MICAL3: variants seen among roughly 807,000 people sequenced by gnomAD.
The protein encoded by MICAL3 is [F-actin]-monooxygenase MICAL3.
MICAL3 carries 62 observed loss-of-function variants against 207.4 expected under a neutral mutation model. That is an observed-to-expected ratio of 0.30 (90% CI 0.24 to 0.37). The LOEUF (loss-of-function observed/expected upper bound fraction) is 0.37, where lower values mean the gene tolerates loss of function less well. Ranked by LOEUF, MICAL3 falls within the 10% of genes least tolerant of loss-of-function variation. The probability of loss-of-function intolerance (pLI) is 1.00; values close to 1 mark genes in which losing one functional copy is unlikely to be tolerated. For missense variants in MICAL3, 2,368 were observed against 2,635.6 expected (o/e 0.90, Z 2.22); for synonymous variants, 1,077 against 1,069.3 (o/e 1.01, Z -0.14).
intron 17 of MICAL3, among the ~76,000 whole-genome samples, chr22:17,870,374 T>C (rs1244134836): frequency 6.6e-6 from 1 of 152,162 alleles, no homozygotes; most frequent in Non-Finnish European, 1.5e-5. Flanking sequence ...CAACCTAGGC[T>C]GTGTAACCGA....
intron 1 of MICAL3, among the ~76,000 whole-genome samples, chr22:17,935,512 G>C (rs191931008): frequency 3.9e-5 from 6 of 152,306 alleles, no homozygotes; most frequent in African/African-American, 1.2e-4. Context: ...TCAGGACACA[G>C]GCATGGGCAA....
intron 1 of MICAL3, among the ~76,000 whole-genome samples, chr22:17,970,263 C>T (rs753010561): frequency 4.6e-5 from 7 of 152,238 alleles, no homozygotes; most frequent in Non-Finnish European, 1.0e-4. Flanking sequence ...AGAATGGACG[C>T]CAGGTTCTAA....
At chr22:17,825,087 C>T (rs940620645) in intron 22 of MICAL3, among the ~76,000 whole-genome samples, 6 of 152,144 alleles carry the variant, frequency 3.9e-5, no homozygotes, top group Non-Finnish European at 2.9e-5. Flanking sequence ...AAACAGGCCT[C>T]CCAGCCAGGC....
chr22:17,881,426 T>C, intron 16 of MICAL3: 1 of 754,564 alleles, frequency 1.3e-6, no homozygotes, highest in Non-Finnish European at 2.2e-6. Flanking sequence ...TCCTTGCCCC[T>C]CCATCCTCAG....
In MICAL3 at chr22:17,818,613, C is replaced by T. The variant is rs373416485; in HGVS notation, c.4048G>A (p.Glu1350Lys). 2.7e-5 allele frequency: 43 copies of T among 1,613,598 alleles called. 1 individual carries two copies. In the South Asian group the frequency reaches 3.4e-4, roughly 13 times the overall value. The change falls in exon 26 of 32, where the codon GAG becomes AAG. Residue 1350 changes from glutamate (E) to lysine (K), a missense_variant. This residue lies in a region of MICAL3 where 1,770 missense variants were observed against 1,863.2 expected (regional missense o/e 0.95). Coordinates refer to ENST00000441493, the MANE Select transcript of MICAL3 (RefSeq NM_015241.3). ...LTPVDRSKGP[E>K]PSFPTPAFRP... The stretch of plus-strand genomic sequence containing the variant: ...AAGGCAGGCGTGGGGAAGCTGGGCT[C>T]GGGCCCCTTGCTGCGGTCCACAGGT...
At chr22:17,843,853 T>A (rs895807246) in intron 19 of MICAL3, among the ~76,000 whole-genome samples, 2 of 57,530 alleles carry the variant, frequency 3.5e-5, no homozygotes, top group Non-Finnish European at 3.0e-5. Context: ...TTACCAGACA[T>A]TTTTTTTTTT....
At chr22:17,825,522 G>A (rs1253196701) in intron 22 of MICAL3, among the ~76,000 whole-genome samples, 4 of 152,130 alleles carry the variant, frequency 2.6e-5, no homozygotes, top group South Asian at 4.1e-4. Context: ...GGAGCCAGCC[G>A]TCTCTGCGCA....
chr22:17,828,095 A>C (rs1010996706), intron 21 of MICAL3, among the ~76,000 whole-genome samples: 10 of 152,164 alleles, frequency 6.6e-5, no homozygotes, highest in African/African-American at 2.2e-4. Flanking sequence ...CCTGAGCTGC[A>C]TTCAGGGGGC....
intron 1 of MICAL3, among the ~76,000 whole-genome samples, chr22:17,995,520 T>G (rs1424753888): frequency 5.8e-4 from 61 of 104,680 alleles, no homozygotes; most frequent in South Asian, 1.1e-3. Flanking sequence ...TTTTTTTTTT[T>G]GGGACAGTAG....
rs1191674378 is a variant in MICAL3, at chr22:17,788,627, CCCT to C, written c.*2102_*2104del. 6.6e-6 allele frequency: 1 copy of C among 152,260 alleles called. No homozygotes were observed. Among genetic ancestry groups the C allele is most frequent in the South Asian group, 2.1e-4 (1 of 4,836 alleles). The allele number at this position is 152,260 out of a possible 1,614,324, so 9.4% of individuals were successfully genotyped here. A position where few individuals can be genotyped will look rare whatever the true frequency, so the allele number is the denominator to read the frequency against. On this transcript the variant is annotated 3_prime_UTR_variant, in exon 32 of 32. Coordinates refer to ENST00000441493, the MANE Select transcript of MICAL3 (RefSeq NM_015241.3). ...GATGGAATCTAGAAACCCTCCTCTC[CCCT>C]TTTTTAAGTAAAGAGAAAAGAAAAG...
intron 1 of MICAL3, among the ~76,000 whole-genome samples, chr22:17,930,074 T>C (rs988950707): frequency 3.3e-5 from 5 of 152,170 alleles, no homozygotes; most frequent in Non-Finnish European, 5.9e-5. Flanking sequence ...AACAGGTGTT[T>C]AACATATTAG....
In MICAL3 at chr22:17,810,790, T is replaced by C; in HGVS notation, c.5469A>G (p.Glu1823=). Residue 1823 remains glutamate, a synonymous_variant, in exon 28 of 32, where the codon GAA becomes GAG. Coordinates refer to ENST00000441493, the MANE Select transcript of MICAL3 (RefSeq NM_015241.3). ...CACGCCGGGTCAGCTTGGCATTCAG[T>C]TCCTCCTCCGTGTAGGTTCTTGGCT... ...RREPRTYTEE[E]LNAKLTRRVQ... is the part of the protein sequence containing the mutation. 6.2e-7 allele frequency: 1 copy of C among 1,613,906 alleles called. No homozygotes were observed. Among genetic ancestry groups the C allele is most frequent in the Non-Finnish European group, 8.5e-7 (1 of 1,179,832 alleles).
Position 17,982,770 on chromosome 22 carries a change from T to C in MICAL3, c.-75+41511A>G, listed in dbSNP as rs531687286. Among the ~76,000 whole-genome samples the C allele has an allele frequency of 3.1e-5, 4 of 127,664 alleles. No individual in the cohort carries two copies. The East Asian group carries it at 7.9e-4, about 25-fold the overall frequency. 83.8% of individuals were successfully genotyped at this position (127,664 alleles called of 152,430 possible). ...AATAAAATAAAAAAGTAAAATAAAGTAAAATAAAATAAAATAAAATAAAAT... is the reference window on the plus strand; with the variant it reads ...AATAAAATAAAAAAGTAAAATAAAGCAAAATAAAATAAAATAAAATAAAAT... On this transcript the variant is annotated intron_variant, in intron 1 of 31. Transcript: ENST00000441493.
At chr22:17,842,092 G>A in intron 19 of MICAL3, 75 bp from the exon 20 acceptor site, 1 of 1,388,494 alleles carries the variant, frequency 7.2e-7, no homozygotes, top group South Asian at 1.3e-5. Context: ...CTGACACCCA[G>A]GCTGCAGGCC....
At chr22:18,017,383 T>A (rs2146512602) in intron 1 of MICAL3, among the ~76,000 whole-genome samples, 1 of 151,184 alleles carries the variant, frequency 6.6e-6, no homozygotes, top group South Asian at 2.1e-4. Context: ...CTGGCTAATT[T>A]TTTTTATTTT....
chr22:17,934,094 A>T (rs530276420), intron 1 of MICAL3, among the ~76,000 whole-genome samples: 1 of 152,354 alleles, frequency 6.6e-6, no homozygotes, highest in Admixed American at 6.5e-5. Flanking sequence ...ATCAACAGAA[A>T]AAGAGGGAAT....
intron 1 of MICAL3, among the ~76,000 whole-genome samples, chr22:17,963,911 A>T (rs1435261908): frequency 6.6e-6 from 1 of 152,144 alleles, no homozygotes; most frequent in Non-Finnish European, 1.5e-5. Flanking sequence ...TATTTTAAGG[A>T]CGTGGTCCCT....
At chr22:17,971,756 A>C (rs1935422393) in intron 1 of MICAL3, among the ~76,000 whole-genome samples, 1 of 152,232 alleles carries the variant, frequency 6.6e-6, no homozygotes, top group African/African-American at 2.4e-5. Flanking sequence ...GCAGAACCTA[A>C]GACAGAACAT....
intron 1 of MICAL3, 54 bp downstream of exon 1, chr22:18,024,227 C>T (rs374876383): frequency 2.2e-4 from 34 of 152,424 alleles, no homozygotes; most frequent in African/African-American, 7.7e-4. Flanking sequence ...CAGCAAAACA[C>T]ATAACCTTGT....
Sources: allele counts gnomAD v4.1 joint callset (sites outside exome capture counted in the v4.1 genomes callset), GRCh38; gene constraint gnomAD v4.1.1; regional missense constraint gnomAD v4.1.1; transcripts MANE v1.5; gene names NCBI Gene and HGNC (gene_info 2026-07-23, HGNC 2026-07-21).